CADM2: variants seen among roughly 807,000 people sequenced by gnomAD.
CADM2 encodes immunoglobulin superfamily member 4D.
A neutral mutation model predicts 49.8 loss-of-function variants in CADM2; 12 were observed. That is an observed-to-expected ratio of 0.24 (90% CI 0.15 to 0.39). CADM2 has a LOEUF of 0.39. CADM2 is among the 10% of genes least tolerant of loss of function. The probability of loss-of-function intolerance (pLI) is 1.00; values close to 1 mark genes in which losing one functional copy is unlikely to be tolerated. For missense variants in CADM2, 378 were observed against 492.3 expected (o/e 0.77, Z 2.20); for synonymous variants, 214 against 175.4 (o/e 1.22, Z -1.74).
At chr3:85,220,764 G>C (rs2042026803) in intron 1 of CADM2, among the ~76,000 whole-genome samples, 1 of 151,874 alleles carries the variant, frequency 6.6e-6, no homozygotes, top group African/African-American at 2.4e-5. Context: ...GAAATGATCA[G>C]GGTTACTGAG....
At chr3:85,196,871 T>G (rs2041356951) in intron 1 of CADM2, among the ~76,000 whole-genome samples, 1 of 152,008 alleles carries the variant, frequency 6.6e-6, no homozygotes, top group Non-Finnish European at 1.5e-5. Context: ...ACAAAGACCA[T>G]CTTGCTTCAA....
At chr3:85,681,188 C>T (rs944923113) in intron 1 of CADM2, among the ~76,000 whole-genome samples, 2 of 152,032 alleles carry the variant, frequency 1.3e-5, no homozygotes, top group East Asian at 3.9e-4. Flanking sequence ...CCTGACTGGC[C>T]ACTATTAAAA....
At chr3:85,257,977 C>A (rs2107880629) in intron 1 of CADM2, among the ~76,000 whole-genome samples, 1 of 152,162 alleles carries the variant, frequency 6.6e-6, no homozygotes, top group Non-Finnish European at 1.5e-5. Context: ...ATGAGTGACT[C>A]CTCCCATTTC....
At chr3:85,601,598 A>G (rs1263176601) in intron 1 of CADM2, among the ~76,000 whole-genome samples, 1 of 151,614 alleles carries the variant, frequency 6.6e-6, no homozygotes, top group Non-Finnish European at 1.5e-5. Context: ...ATCTTTACTC[A>G]GCTTTTTCTT....
intron 2 of CADM2, among the ~76,000 whole-genome samples, chr3:85,771,887 A>G (rs1162098970): frequency 2.0e-5 from 3 of 152,006 alleles, no homozygotes; most frequent in Non-Finnish European, 4.4e-5. Flanking sequence ...AACTAGTTCC[A>G]TTTCTTTCCA....
chr3:85,925,637 G>C (rs1045794246), intron 6 of CADM2, among the ~76,000 whole-genome samples: 1 of 152,112 alleles, frequency 6.6e-6, no homozygotes, highest in Non-Finnish European at 1.5e-5. Context: ...TTGAGGTGTG[G>C]ATTGAGTTTG....
chr3:85,674,233 A>G (rs906397929), intron 1 of CADM2, among the ~76,000 whole-genome samples: 1 of 152,152 alleles, frequency 6.6e-6, no homozygotes, highest in Non-Finnish European at 1.5e-5. Flanking sequence ...TGTGTAAAAA[A>G]CATATGTGAT....
intron 1 of CADM2, among the ~76,000 whole-genome samples, chr3:85,442,880 G>A (rs2037278729): frequency 1.3e-5 from 2 of 151,470 alleles, no homozygotes; most frequent in African/African-American, 4.8e-5. Context: ...CGTGGATTTA[G>A]GTAAATATAG....
intron 1 of CADM2, among the ~76,000 whole-genome samples, chr3:85,152,923 C>T (rs1479767898): frequency 6.7e-6 from 1 of 148,646 alleles, no homozygotes. Flanking sequence ...GAGATGGCAC[C>T]ACTGCACTCC....
chr3:85,229,058 T>A (rs1015808728), intron 1 of CADM2, among the ~76,000 whole-genome samples: 4 of 152,188 alleles, frequency 2.6e-5, no homozygotes, highest in African/African-American at 9.6e-5. Flanking sequence ...CTTCCTGAGC[T>A]GTGGTGGGCT....
chr3:84,970,137 A>C (rs2107084323), intron 1 of CADM2, among the ~76,000 whole-genome samples: 1 of 146,026 alleles, frequency 6.8e-6, no homozygotes. Flanking sequence ...CATTCTTCTC[A>C]GTTAACTGGA....
chr3:85,983,613 T>C (rs568649608), intron 8 of CADM2, among the ~76,000 whole-genome samples: 4 of 151,772 alleles, frequency 2.6e-5, no homozygotes, highest in Non-Finnish European at 5.9e-5. Context: ...AGTTGTATCA[T>C]ACCATTAATG....
At chr3:85,225,668 T>C (rs1170869416) in intron 1 of CADM2, among the ~76,000 whole-genome samples, 1 of 152,228 alleles carries the variant, frequency 6.6e-6, no homozygotes, top group African/African-American at 2.4e-5. Flanking sequence ...AGGGCATCCT[T>C]GTCTAGTGCT....
chr3:85,379,805 G>A (rs995361718), intron 1 of CADM2, among the ~76,000 whole-genome samples: 2 of 151,910 alleles, frequency 1.3e-5, no homozygotes, highest in African/African-American at 4.8e-5. Flanking sequence ...AATTCATTTT[G>A]TATTACTCGC....
rs1231541981 is a variant in CADM2, at chr3:85,769,520, TA to T, written c.89-32526del. Among the ~76,000 whole-genome samples the T allele has an allele frequency of 2.6e-5, 3 of 117,262 alleles. 1 individual carries two copies. Among genetic ancestry groups the T allele is most frequent in the Non-Finnish European group, 4.8e-5 (3 of 61,930 alleles). 76.9% of individuals were successfully genotyped at this position (117,262 alleles called of 152,430 possible). A position where few individuals can be genotyped will look rare whatever the true frequency, so the allele number is the denominator to read the frequency against. On this transcript the variant is annotated intron_variant, in intron 2 of 9. Transcript: ENST00000383699. ...ACATATATGTATATATACACGTATA[TA>T]CATATATGTATATATACACGTATAT...
intron 3 of CADM2, among the ~76,000 whole-genome samples, chr3:85,826,688 A>G (rs1319675526): frequency 6.6e-6 from 1 of 151,950 alleles, no homozygotes; most frequent in African/African-American, 2.4e-5. Flanking sequence ...TTTCTGGAAG[A>G]TTTACAACCA....
intron 1 of CADM2, among the ~76,000 whole-genome samples, chr3:85,634,572 G>GAGTTAGTTATAT (rs2064404868): frequency 6.6e-6 from 1 of 151,982 alleles, no homozygotes. Flanking sequence ...AATCAAAGTT[G>GAGTTAGTTATAT]AGTTAGTGCA....
chr3:85,593,271 C>T (rs1289366578), intron 1 of CADM2, among the ~76,000 whole-genome samples: 2 of 151,920 alleles, frequency 1.3e-5, no homozygotes, highest in South Asian at 2.1e-4. Context: ...TGGTGTGCTG[C>T]ACCCATTAAC....
At chr3:85,322,720 C>G (rs890973069) in intron 1 of CADM2, among the ~76,000 whole-genome samples, 2 of 152,108 alleles carry the variant, frequency 1.3e-5, no homozygotes, top group Admixed American at 1.3e-4. Flanking sequence ...TCTCTGTCTT[C>G]AAATAGAGCT....
Sources: allele counts gnomAD v4.1 joint callset (sites outside exome capture counted in the v4.1 genomes callset), GRCh38; gene constraint gnomAD v4.1.1; transcripts MANE v1.5; gene names NCBI Gene and HGNC (gene_info 2026-07-23, HGNC 2026-07-21).